Variants in GPRC5A observed in about 807,000 individuals in gnomAD.
GPRC5A encodes the protein G protein-coupled receptor class C group 5 member A, also known as retinoic acid-induced protein 3.
GPRC5A carries 19 observed loss-of-function variants against 22.5 expected under a neutral mutation model. The observed-to-expected ratio is 0.85, with a 90% CI of 0.59 to 1.24. The LOEUF (loss-of-function observed/expected upper bound fraction) is 1.24, where lower values mean the gene tolerates loss of function less well. Ranked by LOEUF, GPRC5A falls within the 50% of genes most tolerant of loss-of-function variation. The pLI, the probability that GPRC5A is intolerant of heterozygous loss-of-function variation, is 0.00. For missense variants in GPRC5A, 471 were observed against 451.1 expected (o/e 1.04, Z -0.40); for synonymous variants, 192 against 184.5 (o/e 1.04, Z -0.33).
chr12:12,908,203 T>G (rs768937788), intron 1 of GPRC5A, 40 bp from the exon 2 acceptor site: 2 of 1,308,524 alleles, frequency 1.5e-6, no homozygotes, highest in South Asian at 2.8e-5. Context: ...TGTTAGGAGA[T>G]TCAATACCTT....
intron 1 of GPRC5A, among the ~76,000 whole-genome samples, chr12:12,903,390 CCTAT>C (rs1257645589): frequency 1.2e-4 from 19 of 152,236 alleles, no homozygotes; most frequent in Admixed American, 1.1e-3. Context: ...AAGCAATTCT[CCTAT>C]CTAAGTCTCT....
Position 12,913,075 on chromosome 12 carries a change from C to T in GPRC5A, c.*536C>T, listed in dbSNP as rs1687717238. On this transcript the variant is annotated 3_prime_UTR_variant, in exon 4 of 4. Transcript: ENST00000014914. ...GCTCACACAGCTCTAGGGGCCTGCT[C>T]CTCTAACTCACAGTGGGTTTTGTGA... The T allele has an allele frequency of 6.5e-6, 1 of 153,178 alleles. No individual in the cohort carries two copies. The highest frequency in any genetic ancestry group is 2.1e-4 in the South Asian group (1 of 4,832). 9.5% of individuals were successfully genotyped at this position (153,178 alleles called of 1,614,324 possible). A position where few individuals can be genotyped will look rare whatever the true frequency, so the allele number is the denominator to read the frequency against.
chr12:12,915,735 C>T lies in GPRC5A; in HGVS notation c.*3196C>T, dbSNP rs1864057325. The T allele has an allele frequency of 2.8e-6, 1 of 358,094 alleles. No homozygotes were observed. The highest frequency in any genetic ancestry group is 3.4e-5 in the Admixed American group (1 of 29,168). 22.2% of individuals were successfully genotyped at this position (358,094 alleles called of 1,614,324 possible). ...TCGAACTCCAAACCTCGTGATCCAC[C>T]TACCTTGGCCTCTGAAAGTGCTGGG... On this transcript the variant is annotated 3_prime_UTR_variant, in exon 4 of 4. Transcript: ENST00000014914.
Position 12,912,104 on chromosome 12 carries a change from ACGCTCTATGCCCCC to A in GPRC5A, c.944_957del (p.Thr315IlefsTer32). On this transcript the variant is annotated frameshift_variant, in exon 3 of 4. Transcript: ENST00000014914. LOFTEE classifies it high-confidence loss of function. ...TTCAGGTTTTGAAGAGACAGGGGAC[ACGCTCTATGCCCCC>A]TATTCCACACATTTTCAGCTGCAGG... 6.2e-7 allele frequency: 1 copy of A among 1,613,576 alleles called. No individual in the cohort carries two copies. Among genetic ancestry groups the A allele is most frequent in the Non-Finnish European group, 8.5e-7 (1 of 1,179,450 alleles).
chr12:12,910,577 G>A (rs1475923485), intron 2 of GPRC5A, among the ~76,000 whole-genome samples: 9 of 152,078 alleles, frequency 5.9e-5, no homozygotes, highest in Admixed American at 4.6e-4. Flanking sequence ...AGCTTTGCTC[G>A]CAGTCCAGAT....
At position 12,914,580 on chromosome 12, in the gene GPRC5A, CTT is replaced by C. The variant is rs201244280; in HGVS notation, c.*2043_*2044del. The stretch of plus-strand genomic sequence containing the variant: ...TCTTTCTTTCTTTCTTTCTTTCTTT[CTT>C]TCTTTCTTTCTTTCTCTCTCTCTCT... On this transcript the variant is annotated 3_prime_UTR_variant, in exon 4 of 4. Transcript: ENST00000014914. 4.6e-5 allele frequency: 4 copies of C among 87,826 alleles called. No individual in the cohort carries two copies. The highest frequency in any genetic ancestry group is 1.2e-4 in the Admixed American group (1 of 8,002). The allele number at this position is 87,826 out of a possible 1,614,324, so 5.4% of individuals were successfully genotyped here. A position where few individuals can be genotyped will look rare whatever the true frequency, so the allele number is the denominator to read the frequency against.
At chr12:12,902,945 T>C (rs536217059) in intron 1 of GPRC5A, among the ~76,000 whole-genome samples, 1 of 152,284 alleles carries the variant, frequency 6.6e-6, no homozygotes, top group East Asian at 1.9e-4. Flanking sequence ...CGCATGCCTG[T>C]AATCCCAGCT....
intron 1 of GPRC5A, among the ~76,000 whole-genome samples, chr12:12,906,346 G>A (rs1190931175): frequency 6.6e-6 from 1 of 151,956 alleles, no homozygotes; most frequent in Non-Finnish European, 1.5e-5. Flanking sequence ...CAAGGCAAGA[G>A]GATTAATTGA....
Position 12,915,858 on chromosome 12 carries a change from G to A in GPRC5A, c.*3319G>A, listed in dbSNP as rs754953844. Reference sequence around the variant, plus strand: ...AGAAACGCAGTGGTCTCTGAAGCCTGCAGGGGCAGGCCAGCCCTGCACTGA... The same window carrying A: ...AGAAACGCAGTGGTCTCTGAAGCCTACAGGGGCAGGCCAGCCCTGCACTGA... On this transcript the variant is annotated 3_prime_UTR_variant, in exon 4 of 4. Transcript: ENST00000014914. The A allele has an allele frequency of 7.6e-6, 4 of 526,494 alleles. No homozygotes were observed. The highest frequency in any genetic ancestry group is 1.6e-5 in the Non-Finnish European group (4 of 255,346). The allele number at this position is 526,494 out of a possible 1,614,324, so 32.6% of individuals were successfully genotyped here.
intron 2 of GPRC5A, among the ~76,000 whole-genome samples, chr12:12,911,382 A>G (rs572489714): frequency 6.6e-6 from 1 of 151,894 alleles, no homozygotes; most frequent in South Asian, 2.1e-4. Context: ...ATATATACAT[A>G]TTTTCCTTGT....
chr12:12,896,268 CT>C (rs1240451131), intron 1 of GPRC5A, among the ~76,000 whole-genome samples: 2 of 152,050 alleles, frequency 1.3e-5, no homozygotes, highest in Admixed American at 1.3e-4. Flanking sequence ...CGTGGTTATA[CT>C]TGTTTTGATC....
Position 12,909,087 on chromosome 12 carries a change from G to A in GPRC5A, c.838G>A (p.Glu280Lys), listed in dbSNP as rs146477927. ...ACGAAACCCCATGGATTATCCTGTTGAGGATGCTTTCTGTAAACCTCAACT... is the reference window on the plus strand; with the variant it reads ...ACGAAACCCCATGGATTATCCTGTTAAGGATGCTTTCTGTAAACCTCAACT... ...KQRNPMDYPV[E>K]DAFCKPQLVK... Residue 280 changes from glutamate to lysine, a missense_variant, in exon 2 of 4, where the codon GAG becomes AAG. Physicochemically the swap from Glu to Lys is moderately conservative, Grantham distance 56. Coordinates refer to ENST00000014914, the MANE Select transcript of GPRC5A (RefSeq NM_003979.4). 7.5e-6 allele frequency: 12 copies of A among 1,604,492 alleles called. No individual in the cohort carries two copies. Among genetic ancestry groups the A allele is most frequent in the Non-Finnish European group, 1.0e-5 (12 of 1,179,856 alleles).
chr12:12,900,522 C>T (rs774013568), intron 1 of GPRC5A, among the ~76,000 whole-genome samples: 3 of 152,116 alleles, frequency 2.0e-5, no homozygotes, highest in Non-Finnish European at 4.4e-5. Flanking sequence ...GAAATGACTT[C>T]GCCCTCCTCT....
chr12:12,912,388 G>T, intron 3 of GPRC5A, 59 bp from the exon 4 acceptor site: 1 of 1,107,280 alleles, frequency 9.0e-7, no homozygotes. Context: ...CCAGACTGGA[G>T]ACCTGTTGAA....
chr12:12,908,882 C>G lies in GPRC5A; in HGVS notation c.633C>G (p.Ala211=). 6.2e-7 allele frequency: 1 copy of G among 1,614,158 alleles called. No individual in the cohort carries two copies. Among genetic ancestry groups the G allele is most frequent in the Non-Finnish European group, 8.5e-7 (1 of 1,180,006 alleles). Residue 211 remains alanine (A), a synonymous_variant, in exon 2 of 4, where the codon GCC becomes GCG. Coordinates refer to ENST00000014914, the MANE Select transcript of GPRC5A (RefSeq NM_003979.4). The part of the protein sequence containing the change: ...GSFTGWKRHG[A]HIYLTMLLSI... ...TCACGGGCTGGAAGAGACATGGGGC[C>G]CACATCTACCTCACGATGCTCCTCT...
chr12:12,902,345 G>GT (rs1863897517), intron 1 of GPRC5A, among the ~76,000 whole-genome samples: 1 of 145,198 alleles, frequency 6.9e-6, no homozygotes, highest in African/African-American at 2.7e-5. Flanking sequence ...AGACTAAGAT[G>GT]GTTTTTTTTT....
intron 1 of GPRC5A, among the ~76,000 whole-genome samples, chr12:12,892,640 T>C (rs1265387150): frequency 6.6e-6 from 1 of 152,090 alleles, no homozygotes; most frequent in African/African-American, 2.4e-5. Flanking sequence ...GTGCTGGGAT[T>C]ACAGGTGTGA....
rs905069469 is a variant in GPRC5A at position 12,908,515 on chromosome 12, T to A, written c.266T>A (p.Leu89Gln). The A allele has an allele frequency of 9.9e-6, 16 of 1,614,198 alleles. No individual in the cohort carries two copies. Among genetic ancestry groups the A allele is most frequent in the Non-Finnish European group, 1.4e-5 (16 of 1,180,044 alleles). ...CTCACCTTCGCCTTCATCATCGGAC[T>A]GGACGGGAGCACAGGGCCCACACGC... is the stretch of plus-strand genomic sequence containing the variant. ...FGLTFAFIIG[L>Q]DGSTGPTRFF... Residue 89 changes from leucine (L) to glutamine (Q), a missense_variant, in exon 2 of 4, where the codon CTG becomes CAG. Coordinates refer to ENST00000014914, the MANE Select transcript of GPRC5A (RefSeq NM_003979.4).
At position 12,891,577 on chromosome 12, in the gene GPRC5A, G is replaced by A. The variant is rs2136453163; in HGVS notation, c.-95G>A. On this transcript the variant is annotated 5_prime_UTR_variant, in exon 1 of 4. Coordinates refer to ENST00000014914, the MANE Select transcript of GPRC5A (RefSeq NM_003979.4). ...GTGCGAGGGCGGGATAGCTGTCCAAGGTCTCCCCCAGCACTGAGGAGCTCG... is the reference window on the plus strand; with the variant it reads ...GTGCGAGGGCGGGATAGCTGTCCAAAGTCTCCCCCAGCACTGAGGAGCTCG... The A allele has an allele frequency of 6.6e-6, 1 of 152,384 alleles. No homozygotes were observed. Among genetic ancestry groups the A allele is most frequent in the South Asian group, 2.1e-4 (1 of 4,832 alleles). 9.4% of individuals were successfully genotyped at this position (152,384 alleles called of 1,614,324 possible). A position where few individuals can be genotyped will look rare whatever the true frequency, so the allele number is the denominator to read the frequency against.
Sources: allele counts gnomAD v4.1 joint callset (sites outside exome capture counted in the v4.1 genomes callset), GRCh38; gene constraint gnomAD v4.1.1; transcripts MANE v1.5; gene names NCBI Gene and HGNC (gene_info 2026-07-23, HGNC 2026-07-21).